The following FGGY variants were observed in gnomAD, a reference collection of about 807,000 sequenced individuals.
FGGY encodes FGGY carbohydrate kinase domain containing, also known as FGGY carbohydrate kinase domain-containing protein.
In FGGY, 72 loss-of-function variants were observed where a neutral mutation model predicts 71.3. The ratio of observed to expected loss-of-function variants is 1.01; its 90% confidence interval spans 0.84 to 1.23. FGGY has a LOEUF of 1.23. Ranked by LOEUF, FGGY falls within the 50% of genes most tolerant of loss-of-function variation. The pLI is 0.00. For synonymous variants in FGGY, 251 were observed against 250.3 expected (o/e 1.00, Z -0.02); for missense variants, 668 against 682.3 (o/e 0.98, Z 0.23).
In FGGY at chr1:59,448,613, A is replaced by G. The variant is rs558359730; in HGVS notation, c.555-8348A>G. Among the ~76,000 whole-genome samples, 17 of 152,322 alleles carry G rather than the reference A, an allele frequency of 1.1e-4. No individual in the cohort carries two copies. The South Asian group carries it at 1.5e-3, about 13-fold the overall frequency. Reference sequence around the variant, plus strand: ...ATTAGGAACCTGAAAGCTTCCTTCTATAACTGAGATCTGAAGGTTTTTATT... The same window carrying G: ...ATTAGGAACCTGAAAGCTTCCTTCTGTAACTGAGATCTGAAGGTTTTTATT... On this transcript the variant is annotated intron_variant, in intron 5 of 15. Coordinates refer to ENST00000303721, the MANE Select transcript of FGGY (RefSeq NM_018291.5).
chr1:59,572,202 G>A (rs550626987), intron 8 of FGGY, among the ~76,000 whole-genome samples: 10 of 152,286 alleles, frequency 6.6e-5, no homozygotes, highest in African/African-American at 2.2e-4. Context: ...AATTTGGGTG[G>A]TCTAGAAGGC....
chr1:59,616,635 AAAAT>A (rs1430613975), intron 9 of FGGY, among the ~76,000 whole-genome samples: 3 of 152,184 alleles, frequency 2.0e-5, no homozygotes, highest in South Asian at 2.1e-4. Context: ...GTATAATAAA[AAAAT>A]AAATAAAATA....
At chr1:59,571,719 A>G (rs1331069277) in intron 8 of FGGY, among the ~76,000 whole-genome samples, 1 of 152,214 alleles carries the variant, frequency 6.6e-6, no homozygotes, top group Non-Finnish European at 1.5e-5. Flanking sequence ...CAATAATAGC[A>G]TGAATAACTA....
Position 59,638,245 on chromosome 1 carries a change from C to A in FGGY, c.1091C>A (p.Ala364Glu). The change falls in exon 11 of 16, where the codon GCA (alanine) becomes GAA (glutamate). Residue 364 changes from alanine to glutamate, a missense_variant. By Grantham distance (107) the Ala-to-Glu change is moderately radical. Around this residue, in one of 2 missense-constraint regions of FGGY, gnomAD observed 661 missense variants for 661.6 expected, o/e 1.00. Coordinates refer to ENST00000303721, the MANE Select transcript of FGGY (RefSeq NM_018291.5). The part of the protein sequence containing the change: ...KATARCQSIY[A>E]YLNSHLDLIK... ...TCTTCCAGATGCCAGAGTATATATG[C>A]ATATTTGAACAGTCACCTGGATCTG... 6.2e-7 allele frequency: 1 copy of A among 1,613,998 alleles called. No individual in the cohort carries two copies. The highest frequency in any genetic ancestry group is 8.5e-7 in the Non-Finnish European group (1 of 1,179,946).
intron 3 of FGGY, 54 bp downstream of exon 3, chr1:59,340,123 C>T: frequency 7.8e-7 from 1 of 1,281,638 alleles, no homozygotes; most frequent in Non-Finnish European, 1.1e-6. Context: ...CTGATTAATC[C>T]AATGGGCCCA....
chr1:59,377,420 C>T (rs1184208686), intron 4 of FGGY, among the ~76,000 whole-genome samples: 6 of 152,062 alleles, frequency 3.9e-5, no homozygotes, highest in African/African-American at 1.4e-4. Flanking sequence ...GAGAGAAGTG[C>T]AGAGTGAAAG....
intron 6 of FGGY, among the ~76,000 whole-genome samples, chr1:59,474,387 C>A (rs1572636256): frequency 6.6e-6 from 1 of 152,126 alleles, no homozygotes; most frequent in African/African-American, 2.4e-5. Flanking sequence ...ATTTTATAGA[C>A]AAAAAACTGA....
intron 7 of FGGY, among the ~76,000 whole-genome samples, chr1:59,538,998 T>C (rs1240084212): frequency 2.0e-5 from 3 of 151,776 alleles, no homozygotes; most frequent in African/African-American, 4.8e-5. Context: ...AGTATAATAA[T>C]AATAAAATAA....
intron 7 of FGGY, among the ~76,000 whole-genome samples, chr1:59,521,194 A>G (rs1277363174): frequency 6.6e-6 from 1 of 152,116 alleles, no homozygotes; most frequent in Non-Finnish European, 1.5e-5. Context: ...TTGCAAGTTT[A>G]TTGTTTTAAG....
intron 1 of FGGY, among the ~76,000 whole-genome samples, chr1:59,298,118 CTT>C (rs912988053): frequency 6.6e-6 from 1 of 152,064 alleles, no homozygotes; most frequent in East Asian, 1.9e-4. Flanking sequence ...TGCTTTTCCT[CTT>C]TTTTTTCTAT....
At chr1:59,668,674 T>G (rs2153972330) in intron 13 of FGGY, among the ~76,000 whole-genome samples, 1 of 152,284 alleles carries the variant, frequency 6.6e-6, no homozygotes, top group Non-Finnish European at 1.5e-5. Context: ...GACACAAGTC[T>G]GAGGACAGTA....
At chr1:59,723,814 A>G (rs937018152) in intron 14 of FGGY, among the ~76,000 whole-genome samples, 17 of 152,220 alleles carry the variant, frequency 1.1e-4, no homozygotes, top group African/African-American at 3.6e-4. Flanking sequence ...ATAAATGCAT[A>G]ATGTCATGCA....
At chr1:59,465,860 A>T (rs916594338) in intron 6 of FGGY, among the ~76,000 whole-genome samples, 3 of 152,238 alleles carry the variant, frequency 2.0e-5, no homozygotes, top group Non-Finnish European at 4.4e-5. Context: ...AAAAGAGGAC[A>T]CAAACAAATG....
intron 10 of FGGY, among the ~76,000 whole-genome samples, chr1:59,632,845 AATATT>A (rs1016752166): frequency 1.3e-5 from 2 of 152,142 alleles, no homozygotes; most frequent in African/African-American, 4.8e-5. Context: ...TCTATCACTG[AATATT>A]TACTTAGCCT....
At chr1:59,523,935 G>T (rs2094904691) in intron 7 of FGGY, among the ~76,000 whole-genome samples, 1 of 152,226 alleles carries the variant, frequency 6.6e-6, no homozygotes, top group Admixed American at 6.5e-5. Flanking sequence ...GCTGGCTGGG[G>T]CCAGAACAGG....
At chr1:59,371,254 A>T (rs1281763643) in intron 4 of FGGY, among the ~76,000 whole-genome samples, 1 of 152,078 alleles carries the variant, frequency 6.6e-6, no homozygotes, top group African/African-American at 2.4e-5. Context: ...AGGGGTTGCA[A>T]TCCTAGTCTC....
intron 13 of FGGY, among the ~76,000 whole-genome samples, chr1:59,672,238 T>C (rs866763632): frequency 6.6e-6 from 1 of 152,210 alleles, no homozygotes; most frequent in Non-Finnish European, 1.5e-5. Context: ...TCCCCACTTA[T>C]CCAGTTTTTA....
At chr1:59,702,756 A>G (rs1490183690) in intron 14 of FGGY, among the ~76,000 whole-genome samples, 3 of 152,164 alleles carry the variant, frequency 2.0e-5, no homozygotes, top group Non-Finnish European at 4.4e-5. Context: ...AGTCTCTATC[A>G]GCTCTAGAAT....
At chr1:59,342,021 G>A (rs531790888) in intron 3 of FGGY, among the ~76,000 whole-genome samples, 2 of 152,276 alleles carry the variant, frequency 1.3e-5, no homozygotes, top group Admixed American at 6.5e-5. Context: ...AAGCACAAGA[G>A]CCATGTTAGA....
Sources: allele counts gnomAD v4.1 joint callset (sites outside exome capture counted in the v4.1 genomes callset), GRCh38; gene constraint gnomAD v4.1.1; regional missense constraint gnomAD v4.1.1; transcripts MANE v1.5; gene names NCBI Gene and HGNC (gene_info 2026-07-23, HGNC 2026-07-21).